MTUS2: variants seen among roughly 807,000 people sequenced by gnomAD.
MTUS2 encodes the protein microtubule-associated tumor suppressor candidate 2.
In MTUS2, 40 loss-of-function variants were observed where a neutral mutation model predicts 114.1. That is an observed-to-expected ratio of 0.35 (90% CI 0.27 to 0.46). The LOEUF (loss-of-function observed/expected upper bound fraction) is 0.46. Among genes scored for constraint, MTUS2 ranks in the 20% least tolerant of loss-of-function variants. The pLI is 1.00. For synonymous variants in MTUS2, 688 were observed against 672.0 expected (o/e 1.02, Z -0.37); for missense variants, 1,679 against 1,705.4 (o/e 0.98, Z 0.27).
At chr13:29,010,703 C>A (rs1360328947) in intron 2 of MTUS2, among the ~76,000 whole-genome samples, 1 of 152,068 alleles carries the variant, frequency 6.6e-6, no homozygotes, top group East Asian at 1.9e-4. Context: ...AGTGAGTGCT[C>A]CCATTGAGAG....
intron 8 of MTUS2, among the ~76,000 whole-genome samples, chr13:29,360,092 G>A (rs1870096945): frequency 6.6e-6 from 1 of 152,208 alleles, no homozygotes; most frequent in Non-Finnish European, 1.5e-5. Flanking sequence ...GAGCAGATAA[G>A]CATCCCAGCC....
At chr13:29,102,024 T>C (rs1367323329) in intron 5 of MTUS2, among the ~76,000 whole-genome samples, 1 of 152,240 alleles carries the variant, frequency 6.6e-6, no homozygotes, top group Non-Finnish European at 1.5e-5. Context: ...TTATTTGCTC[T>C]GTTGGTTTCC....
intron 5 of MTUS2, among the ~76,000 whole-genome samples, chr13:29,127,086 T>G (rs1480381780): frequency 6.6e-6 from 1 of 152,228 alleles, no homozygotes; most frequent in South Asian, 2.1e-4. Flanking sequence ...CACCTGCTCC[T>G]GGCCCCAGCC....
intron 5 of MTUS2, among the ~76,000 whole-genome samples, chr13:29,130,193 C>T (rs73166429): frequency 0.051 from 7,686 of 150,172 alleles, 271 homozygotes; most frequent in Non-Finnish European, 0.08. Context: ...TTAATTAACA[C>T]GTTTAACTCA....
chr13:29,452,850 C>G (rs1420240572), intron 9 of MTUS2, among the ~76,000 whole-genome samples: 1 of 152,144 alleles, frequency 6.6e-6, no homozygotes, highest in African/African-American at 2.4e-5. Context: ...TGGGGACAAG[C>G]AGCTTCTGGA....
At chr13:28,885,078 G>A (rs1434769965) in intron 2 of MTUS2, among the ~76,000 whole-genome samples, 1 of 151,960 alleles carries the variant, frequency 6.6e-6, no homozygotes, top group African/African-American at 2.4e-5. Flanking sequence ...ATCCCCCCAA[G>A]TAAATAAATA....
intron 5 of MTUS2, among the ~76,000 whole-genome samples, chr13:29,244,949 C>A (rs1422557571): frequency 1.9e-5 from 1 of 52,988 alleles, no homozygotes. Flanking sequence ...GAGCGAGACT[C>A]CGTCTCAAAA....
chr13:29,023,891 G>A (rs969049707), intron 2 of MTUS2, among the ~76,000 whole-genome samples: 2 of 152,198 alleles, frequency 1.3e-5, no homozygotes, highest in Non-Finnish European at 2.9e-5. Flanking sequence ...TTCATTACTA[G>A]TGATGTTAAA....
rs942058761 is a variant in MTUS2 at position 29,355,221 on chromosome 13, C to T, written c.2906-4041C>T. On this transcript the variant is annotated intron_variant, in intron 7 of 15. Transcript: ENST00000612955. ...TCCTCTCCAGTGCTCAGCCTTTGCA[C>T]GCAACGCCTAGCCTTTGCACGCAAA... is the stretch of plus-strand genomic sequence containing the variant. 3.9e-5 allele frequency among the ~76,000 whole-genome samples: 6 copies of T among 152,178 alleles called. 1 individual carries two copies. Among genetic ancestry groups the T allele is most frequent in the Admixed American group, 3.9e-4 (6 of 15,282 alleles).
chr13:29,455,707 A>G (rs1379533858), intron 9 of MTUS2, among the ~76,000 whole-genome samples: 3 of 152,222 alleles, frequency 2.0e-5, no homozygotes, highest in African/African-American at 7.2e-5. Context: ...AGGGTCAGGT[A>G]TGTTAGCTCA....
At chr13:28,844,811 T>A (rs1024600770) in intron 2 of MTUS2, among the ~76,000 whole-genome samples, 5 of 152,076 alleles carry the variant, frequency 3.3e-5, no homozygotes, top group Non-Finnish European at 5.9e-5. Context: ...AGAGACAGGG[T>A]TTCACCCATG....
intron 6 of MTUS2, among the ~76,000 whole-genome samples, chr13:29,321,004 A>G (rs925447349): frequency 6.6e-6 from 1 of 152,224 alleles, no homozygotes; most frequent in Admixed American, 6.5e-5. Context: ...AGGTTTGAGA[A>G]GAAGTTAACC....
At chr13:29,113,416 T>C (rs1477165354) in intron 5 of MTUS2, among the ~76,000 whole-genome samples, 1 of 152,216 alleles carries the variant, frequency 6.6e-6, no homozygotes, top group Admixed American at 6.5e-5. Flanking sequence ...AGGCATTTTC[T>C]TATTGCTGGT....
At chr13:29,271,197 A>G (rs954943678) in intron 5 of MTUS2, among the ~76,000 whole-genome samples, 4 of 152,180 alleles carry the variant, frequency 2.6e-5, no homozygotes, top group Non-Finnish European at 4.4e-5. Flanking sequence ...GGTTTCTGCC[A>G]GCATCCACCA....
intron 5 of MTUS2, among the ~76,000 whole-genome samples, chr13:29,215,447 T>G (rs1895636604): frequency 6.6e-6 from 1 of 150,504 alleles, no homozygotes; most frequent in Non-Finnish European, 1.5e-5. Context: ...GTGTTCTGGT[T>G]TTTGGAGTTT....
intron 6 of MTUS2, among the ~76,000 whole-genome samples, chr13:29,292,568 TC>T (rs1220392186): frequency 6.6e-6 from 1 of 152,178 alleles, no homozygotes; most frequent in African/African-American, 2.4e-5. Context: ...TTATCTGGAC[TC>T]CAGTTAATTC....
At chr13:29,428,998 T>C in intron 8 of MTUS2, 2 of 1,159,236 alleles carry the variant, frequency 1.7e-6, no homozygotes. Context: ...AGCATGCGTG[T>C]GCGCTTTGTT....
chr13:29,292,299 A>G (rs930696179), intron 6 of MTUS2, among the ~76,000 whole-genome samples: 5 of 152,106 alleles, frequency 3.3e-5, no homozygotes, highest in African/African-American at 1.2e-4. Context: ...CCTGTTGTCC[A>G]CTCAACGTGT....
chr13:29,192,373 G>C (rs1894483184), intron 5 of MTUS2, among the ~76,000 whole-genome samples: 1 of 152,208 alleles, frequency 6.6e-6, no homozygotes, highest in Admixed American at 6.5e-5. Flanking sequence ...AAGTAGAACA[G>C]AAGATACCAG....
Sources: allele counts gnomAD v4.1 joint callset (sites outside exome capture counted in the v4.1 genomes callset), GRCh38; gene constraint gnomAD v4.1.1; transcripts MANE v1.5; gene names NCBI Gene and HGNC (gene_info 2026-07-23, HGNC 2026-07-21).